Variants in DLG2 observed in about 807,000 individuals in gnomAD.
The protein encoded by DLG2 is discs large MAGUK scaffold protein 2.
In DLG2, 45 loss-of-function variants were observed where a neutral mutation model predicts 132.5. The ratio of observed to expected loss-of-function variants is 0.34; its 90% CI spans 0.27 to 0.44. The LOEUF is 0.44. Ranked by LOEUF, DLG2 falls within the 20% of genes least tolerant of loss-of-function variation. The probability of loss-of-function intolerance (pLI) is 1.00; values close to 1 mark genes in which losing one functional copy is unlikely to be tolerated. For missense variants in DLG2, 1,045 were observed against 1,196.9 expected (o/e 0.87, Z 1.87); for synonymous variants, 424 against 419.6 (o/e 1.01, Z -0.13).
intron 6 of DLG2, among the ~76,000 whole-genome samples, chr11:84,814,574 A>G (rs2076906842): frequency 6.6e-6 from 1 of 151,932 alleles, no homozygotes; most frequent in African/African-American, 2.4e-5. Flanking sequence ...CACAGCCTTC[A>G]TACTCTGAAA....
chr11:84,823,095 A>G (rs1438097240), intron 6 of DLG2, among the ~76,000 whole-genome samples: 1 of 151,894 alleles, frequency 6.6e-6, no homozygotes, highest in African/African-American at 2.4e-5. Context: ...AGTGTTCAAT[A>G]AATATAAGTT....
chr11:84,235,833 G>C (rs768042851), intron 8 of DLG2, among the ~76,000 whole-genome samples: 19 of 151,954 alleles, frequency 1.3e-4, no homozygotes, highest in Non-Finnish European at 1.9e-4. Flanking sequence ...CCTTGGATAA[G>C]TTATTAATCT....
intron 8 of DLG2, among the ~76,000 whole-genome samples, chr11:84,182,460 T>C (rs1419197784): frequency 6.6e-6 from 1 of 150,684 alleles, no homozygotes; most frequent in Non-Finnish European, 1.5e-5. Context: ...GCCCAGGAGG[T>C]TGAGGCTACA....
At chr11:84,939,189 A>T (rs1318083804) in intron 6 of DLG2, among the ~76,000 whole-genome samples, 1 of 152,128 alleles carries the variant, frequency 6.6e-6, no homozygotes, top group Admixed American at 6.6e-5. Context: ...ATACAACTCA[A>T]TTTGAGAGCC....
chr11:85,627,005 G>A (rs1328062489), intron 1 of DLG2, among the ~76,000 whole-genome samples: 1 of 152,056 alleles, frequency 6.6e-6, no homozygotes, highest in Non-Finnish European at 1.5e-5. Flanking sequence ...ATTTAGACAG[G>A]TCTCATTACT....
intron 18 of DLG2, among the ~76,000 whole-genome samples, chr11:83,640,859 A>C (rs535063805): frequency 6.6e-6 from 1 of 152,164 alleles, no homozygotes; most frequent in Non-Finnish European, 1.5e-5. Context: ...ATCTTTGTGA[A>C]CTATCTGGTT....
intron 6 of DLG2, among the ~76,000 whole-genome samples, chr11:84,556,959 G>A (rs1278953855): frequency 6.6e-6 from 1 of 152,072 alleles, no homozygotes; most frequent in Non-Finnish European, 1.5e-5. Flanking sequence ...AGTATTACCA[G>A]CAGAATGGAG....
At chr11:85,197,679 T>G (rs1234293792) in intron 4 of DLG2, among the ~76,000 whole-genome samples, 2 of 152,170 alleles carry the variant, frequency 1.3e-5, no homozygotes, top group East Asian at 3.8e-4. Flanking sequence ...TCTTTAGAGA[T>G]AAAATACCAT....
intron 7 of DLG2, among the ~76,000 whole-genome samples, chr11:84,502,253 TC>T (rs2099214409): frequency 2.0e-5 from 1 of 51,132 alleles, no homozygotes; most frequent in East Asian, 3.5e-4. Flanking sequence ...CTTCCTTCCT[TC>T]CTTCCTTCCT....
At chr11:85,097,639 T>A (rs2070103932) in intron 6 of DLG2, among the ~76,000 whole-genome samples, 1 of 152,204 alleles carries the variant, frequency 6.6e-6, no homozygotes, top group African/African-American at 2.4e-5. Flanking sequence ...CATTGTTTTT[T>A]CTTCAGACAA....
chr11:85,529,543 T>C (rs1449595738), intron 3 of DLG2, among the ~76,000 whole-genome samples: 3 of 152,162 alleles, frequency 2.0e-5, no homozygotes, highest in Admixed American at 1.3e-4. Flanking sequence ...TAAAATAATT[T>C]TCATCATGCT....
chr11:83,848,443 T>G (rs1348532963), intron 16 of DLG2, among the ~76,000 whole-genome samples: 1 of 152,236 alleles, frequency 6.6e-6, no homozygotes, highest in Non-Finnish European at 1.5e-5. Context: ...TGCTCCAGAA[T>G]GAAATCATTA....
chr11:84,272,423 T>A (rs1002986827), intron 7 of DLG2: 1 of 272,704 alleles, frequency 3.7e-6, no homozygotes, highest in African/African-American at 2.3e-5. Context: ...TAATTGGTGA[T>A]CTCAATTCTT....
At chr11:84,229,514 A>G (rs889112871) in intron 8 of DLG2, among the ~76,000 whole-genome samples, 1 of 152,220 alleles carries the variant, frequency 6.6e-6, no homozygotes, top group Non-Finnish European at 1.5e-5. Context: ...AGAAATGGAA[A>G]GCAGACTCTC....
intron 3 of DLG2, among the ~76,000 whole-genome samples, chr11:85,515,900 T>C (rs1019064888): frequency 6.6e-6 from 1 of 151,990 alleles, no homozygotes; most frequent in Admixed American, 6.6e-5. Context: ...TCTAACAGAA[T>C]ATGACAAGAA....
At chr11:84,029,319 T>C (rs964865292) in intron 11 of DLG2, among the ~76,000 whole-genome samples, 1 of 152,022 alleles carries the variant, frequency 6.6e-6, no homozygotes, top group Non-Finnish European at 1.5e-5. Context: ...TTAATGTAAA[T>C]AAGATCAATG....
At chr11:84,648,601 C>G (rs778032794) in intron 6 of DLG2, among the ~76,000 whole-genome samples, 5 of 152,000 alleles carry the variant, frequency 3.3e-5, no homozygotes, top group African/African-American at 1.2e-4. Flanking sequence ...TAGGTTGGAT[C>G]GCTCATGCAC....
chr11:85,358,261 C>T (rs932472348), intron 3 of DLG2, among the ~76,000 whole-genome samples: 7 of 152,186 alleles, frequency 4.6e-5, no homozygotes, highest in African/African-American at 1.4e-4. Context: ...ACTTCAATTA[C>T]ATGGTGTTCA....
At position 85,023,358 on chromosome 11, in the gene DLG2, C is replaced by T. The variant is rs528229442; in HGVS notation, c.357+88303G>A. On this transcript the variant is annotated intron_variant, in intron 6 of 27. Transcript: ENST00000376104. ...GTAAAATTCGATTTGCAACCCCTAA[C>T]ATTTTCTTATTTTAGACCTAAATAA... 2.0e-5 allele frequency among the ~76,000 whole-genome samples: 3 copies of T among 152,070 alleles called. No homozygotes were observed. The East Asian group carries it at 5.8e-4, about 29-fold the overall frequency.
Sources: allele counts gnomAD v4.1 joint callset (sites outside exome capture counted in the v4.1 genomes callset), GRCh38; gene constraint gnomAD v4.1.1; transcripts MANE v1.5; gene names NCBI Gene and HGNC (gene_info 2026-07-23, HGNC 2026-07-21).